Variants in GALNTL6 observed in about 807,000 individuals in gnomAD.
The protein encoded by GALNTL6 is polypeptide N-acetylgalactosaminyltransferase-like 6.
A neutral mutation model predicts 73.7 loss-of-function variants in GALNTL6; 46 were observed. The observed-to-expected ratio is 0.62, with a 90% confidence interval of 0.49 to 0.80. The LOEUF (loss-of-function observed/expected upper bound fraction) is 0.80, where lower values mean the gene tolerates loss of function less well. Ranked by LOEUF, GALNTL6 falls within the 30% of genes least tolerant of loss-of-function variation. The probability of loss-of-function intolerance (pLI) is 0.00; values close to 1 mark genes in which losing one functional copy is unlikely to be tolerated. For missense variants in GALNTL6, 604 were observed against 755.0 expected, an observed-to-expected ratio of 0.80 and a Z score of 2.34; for synonymous variants, 259 against 263.7, an observed-to-expected ratio of 0.98 and a Z score of 0.17.
At chr4:171,832,293 T>C (rs1734995671) in intron 2 of GALNTL6, among the ~76,000 whole-genome samples, 1 of 147,268 alleles carries the variant, frequency 6.8e-6, no homozygotes. Context: ...ATGTTTTCAG[T>C]CTTTTAATTT....
Position 171,956,261 on chromosome 4 carries a change from C to T in GALNTL6, c.138+141543C>T, listed in dbSNP as rs147539898. On this transcript the variant is annotated intron_variant, in intron 2 of 12. Coordinates refer to ENST00000506823, the MANE Select transcript of GALNTL6 (RefSeq NM_001034845.3). ...CTAAACCAATCTGCCCACTCTCAAC[C>T]TTCCAAAGTGCAGGGATTACAGGTG... is the stretch of plus-strand genomic sequence containing the variant. 3.8e-3 allele frequency among the ~76,000 whole-genome samples: 574 copies of T among 152,272 alleles called. 8 individuals are homozygous for T. The highest frequency in any genetic ancestry group is 0.013 in the African/African-American group (542 of 41,554).
At chr4:171,990,323 C>T (rs1402330079) in intron 2 of GALNTL6, among the ~76,000 whole-genome samples, 5 of 152,034 alleles carry the variant, frequency 3.3e-5, no homozygotes, top group Admixed American at 6.6e-5. Context: ...TTTCAATACT[C>T]ATTTATTAAA....
chr4:172,082,589 G>A (rs1731912408), intron 2 of GALNTL6, among the ~76,000 whole-genome samples: 2 of 152,130 alleles, frequency 1.3e-5, no homozygotes, highest in South Asian at 4.1e-4. Flanking sequence ...AAGTAAACGG[G>A]AGAAGAAAAG....
At chr4:172,454,619 T>C (rs1192424934) in intron 5 of GALNTL6, among the ~76,000 whole-genome samples, 1 of 152,256 alleles carries the variant, frequency 6.6e-6, no homozygotes, top group Non-Finnish European at 1.5e-5. Flanking sequence ...GGTGCCCAAG[T>C]GTCCAACATA....
rs1261896953 is a variant in GALNTL6, at chr4:172,508,828, G to A, written c.553+160139G>A. On this transcript the variant is annotated intron_variant, in intron 5 of 12. Coordinates refer to ENST00000506823, the MANE Select transcript of GALNTL6 (RefSeq NM_001034845.3). ...CATTGATTGATGGGCATTTGGGCTG[G>A]CTCCATATTTTGCAATTGTGAATTG... Among the ~76,000 whole-genome samples the A allele has an allele frequency of 7.0e-5, 3 of 42,880 alleles. 1 individual carries two copies. The highest frequency in any genetic ancestry group is 1.0e-4 in the Non-Finnish European group (2 of 19,258). 28.1% of individuals were successfully genotyped at this position (42,880 alleles called of 152,430 possible). A position where few individuals can be genotyped will look rare whatever the true frequency, so the allele number is the denominator to read the frequency against.
At chr4:172,143,482 T>G (rs1221716863) in intron 2 of GALNTL6, among the ~76,000 whole-genome samples, 1 of 152,022 alleles carries the variant, frequency 6.6e-6, no homozygotes, top group Non-Finnish European at 1.5e-5. Flanking sequence ...TTTGGTAGGT[T>G]TGAGGATTTT....
chr4:172,824,361 A>AGTGT (rs200060660), intron 7 of GALNTL6, among the ~76,000 whole-genome samples: 1 of 119,684 alleles, frequency 8.4e-6, no homozygotes. Context: ...TCCATGGTAT[A>AGTGT]GTGTGTGTGT....
intron 5 of GALNTL6, among the ~76,000 whole-genome samples, chr4:172,592,273 G>GA (rs1477820496): frequency 6.6e-6 from 1 of 152,118 alleles, no homozygotes; most frequent in Non-Finnish European, 1.5e-5. Flanking sequence ...GCTTTCAAGG[G>GA]AACTAATGTA....
intron 11 of GALNTL6, among the ~76,000 whole-genome samples, chr4:173,011,500 A>C (rs1007191871): frequency 6.6e-6 from 1 of 152,306 alleles, no homozygotes; most frequent in African/African-American, 2.4e-5. Context: ...TCTTAGATTT[A>C]AGTCTTTAAT....
chr4:172,756,826 T>A (rs889773150), intron 5 of GALNTL6, among the ~76,000 whole-genome samples: 1 of 152,174 alleles, frequency 6.6e-6, no homozygotes, highest in Non-Finnish European at 1.5e-5. Flanking sequence ...GTGTTTTGCA[T>A]TAAAGCAAAT....
intron 2 of GALNTL6, among the ~76,000 whole-genome samples, chr4:172,044,765 C>T (rs1168331826): frequency 6.6e-6 from 1 of 151,972 alleles, no homozygotes; most frequent in African/African-American, 2.4e-5. Context: ...AGACACTTGC[C>T]TTTGAAATTG....
intron 7 of GALNTL6, among the ~76,000 whole-genome samples, chr4:172,822,680 A>G (rs888827880): frequency 6.6e-6 from 1 of 152,164 alleles, no homozygotes; most frequent in African/African-American, 2.4e-5. Flanking sequence ...AGTACCACCC[A>G]ATAGTTAAAG....
intron 5 of GALNTL6, among the ~76,000 whole-genome samples, chr4:172,496,291 A>G (rs1477821787): frequency 6.6e-6 from 1 of 152,250 alleles, no homozygotes; most frequent in Non-Finnish European, 1.5e-5. Flanking sequence ...CAAGAGTACC[A>G]AATTTTACAA....
At chr4:172,862,002 G>T (rs1744418721) in intron 7 of GALNTL6, among the ~76,000 whole-genome samples, 1 of 152,210 alleles carries the variant, frequency 6.6e-6, no homozygotes, top group South Asian at 2.1e-4. Context: ...CCAAAATGTG[G>T]AAGCGACTTT....
chr4:172,591,829 A>G (rs2111000880), intron 5 of GALNTL6, among the ~76,000 whole-genome samples: 1 of 152,258 alleles, frequency 6.6e-6, no homozygotes, highest in South Asian at 2.1e-4. Context: ...CAAAATTGAG[A>G]AGTAGTTATA....
At chr4:172,789,903 T>TA (rs1365508848) in intron 5 of GALNTL6, among the ~76,000 whole-genome samples, 2 of 152,168 alleles carry the variant, frequency 1.3e-5, no homozygotes, top group African/African-American at 2.4e-5. Flanking sequence ...CTATGGGAGT[T>TA]ATGAGCCAGG....
At chr4:171,910,529 A>AT (rs1737445990) in intron 2 of GALNTL6, among the ~76,000 whole-genome samples, 1 of 152,102 alleles carries the variant, frequency 6.6e-6, no homozygotes, top group African/African-American at 2.4e-5. Flanking sequence ...ATAAAATTAA[A>AT]TGCTAAAGAC....
chr4:172,015,337 A>G (rs980203212), intron 2 of GALNTL6, among the ~76,000 whole-genome samples: 1 of 151,888 alleles, frequency 6.6e-6, no homozygotes, highest in Non-Finnish European at 1.5e-5. Flanking sequence ...GCTTTAAGGT[A>G]TCTTTCATGT....
chr4:172,316,291 G>A (rs111456923), intron 4 of GALNTL6, among the ~76,000 whole-genome samples: 4,705 of 152,138 alleles, frequency 0.031, 223 homozygotes, highest in African/African-American at 0.1. Flanking sequence ...TTTTTTGGCC[G>A]TTATAAAAGT....
Sources: gnomAD v4.1 joint callset for allele counts (sites outside exome capture counted in the v4.1 genomes callset) on GRCh38, gnomAD v4.1.1 for gene constraint, MANE v1.5 for transcripts, NCBI Gene and HGNC (gene_info 2026-07-23, HGNC 2026-07-21) for gene names.